CDH2: variants seen among roughly 807,000 people sequenced by gnomAD.
CDH2 encodes the protein cadherin 2, also known as cadherin-2.
In CDH2, 17 loss-of-function variants were observed where a neutral mutation model predicts 92.0. That is an observed-to-expected ratio of 0.18 (90% CI 0.13 to 0.28). CDH2 has a LOEUF of 0.28. Among genes scored for constraint, CDH2 ranks in the 10% least tolerant of loss-of-function variants. CDH2 has a pLI of 1.00. For missense variants in CDH2, 862 were observed against 1,133.1 expected (o/e 0.76, Z 3.44); for synonymous variants, 419 against 415.9 (o/e 1.01, Z -0.09).
intron 2 of CDH2, among the ~76,000 whole-genome samples, chr18:28,071,936 A>T (rs559770395): frequency 6.6e-6 from 1 of 152,268 alleles, no homozygotes; most frequent in East Asian, 1.9e-4. Flanking sequence ...CTCTTCGAAG[A>T]TCCTAGGAAC....
At chr18:28,018,567 A>C (rs889680888) in intron 2 of CDH2, among the ~76,000 whole-genome samples, 3 of 151,996 alleles carry the variant, frequency 2.0e-5, no homozygotes, top group Non-Finnish European at 4.4e-5. Context: ...ACAGAAATGT[A>C]TGAAAAAATG....
chr18:27,972,459 G>A (rs2143916336), intron 14 of CDH2, among the ~76,000 whole-genome samples: 2 of 152,252 alleles, frequency 1.3e-5, no homozygotes, highest in Admixed American at 1.3e-4. Flanking sequence ...TTTGAAAACG[G>A]ACTAACAGCA....
intron 2 of CDH2, among the ~76,000 whole-genome samples, chr18:28,045,230 T>C (rs890466881): frequency 2.6e-5 from 4 of 152,166 alleles, no homozygotes; most frequent in African/African-American, 9.6e-5. Flanking sequence ...CCCAGGCACA[T>C]AGATTCTCTA....
At chr18:28,018,871 G>A (rs1211921434) in intron 2 of CDH2, among the ~76,000 whole-genome samples, 3 of 120,598 alleles carry the variant, frequency 2.5e-5, no homozygotes, top group Non-Finnish European at 5.5e-5. Context: ...TTGCACACAC[G>A]TTTATATATA....
At chr18:28,019,474 G>A (rs2013348922) in intron 2 of CDH2, among the ~76,000 whole-genome samples, 1 of 152,052 alleles carries the variant, frequency 6.6e-6, no homozygotes, top group Non-Finnish European at 1.5e-5. Flanking sequence ...TTCTATTAAT[G>A]TTGTACTGTT....
intron 6 of CDH2, among the ~76,000 whole-genome samples, chr18:27,936,776 C>A (rs751264192): frequency 6.6e-6 from 1 of 152,122 alleles, no homozygotes; most frequent in Admixed American, 6.5e-5. Context: ...CTCAAGTGAT[C>A]CTCCTGCCTT....
chr18:28,101,099 G>A lies in CDH2; in HGVS notation c.172+46574C>T, dbSNP rs191191385. Among the ~76,000 whole-genome samples, 331 of 152,218 alleles carry A rather than the reference G, an allele frequency of 2.2e-3. 2 individuals carry two copies. The highest frequency in any genetic ancestry group is 6.9e-3 in the African/African-American group (288 of 41,526). ...GGAGAACTGACCATCCAGTATACAC[G>A]ATGATTTAAACACGTAAAACATAAA... On this transcript the variant is annotated intron_variant, in intron 2 of 15. Transcript: ENST00000269141.
At chr18:28,112,801 T>C (rs2015433888) in intron 2 of CDH2, among the ~76,000 whole-genome samples, 1 of 152,118 alleles carries the variant, frequency 6.6e-6, no homozygotes, top group Admixed American at 6.6e-5. Context: ...AGCCACACTC[T>C]AAGGCTCCTT....
At chr18:28,105,131 T>C (rs1375326974) in intron 2 of CDH2, among the ~76,000 whole-genome samples, 1 of 152,172 alleles carries the variant, frequency 6.6e-6, no homozygotes, top group Non-Finnish European at 1.5e-5. Context: ...CCTTCAACTG[T>C]AAATTGAGAA....
downstream of CDH2, among the ~76,000 whole-genome samples, chr18:27,947,941 G>A (rs997077397): frequency 2.0e-5 from 3 of 150,296 alleles, no homozygotes; most frequent in Non-Finnish European, 4.5e-5. Context: ...TTTGATATAA[G>A]TGTGTATACG....
intron 2 of CDH2, among the ~76,000 whole-genome samples, chr18:28,095,820 A>AAAAG (rs1437410818): frequency 2.0e-5 from 3 of 151,446 alleles, no homozygotes; most frequent in Admixed American, 2.0e-4. Flanking sequence ...AAAAAAAAAA[A>AAAAG]AAAAAGAAAG....
At chr18:27,940,663 T>C (rs1420186505) in intron 6 of CDH2, among the ~76,000 whole-genome samples, 4 of 152,320 alleles carry the variant, frequency 2.6e-5, no homozygotes, top group Non-Finnish European at 1.5e-5. Flanking sequence ...ACATGATTTA[T>C]TCACATATTG....
intron 2 of CDH2, among the ~76,000 whole-genome samples, chr18:28,040,874 G>A (rs1183033510): frequency 6.6e-6 from 1 of 152,124 alleles, no homozygotes; most frequent in Non-Finnish European, 1.5e-5. Context: ...GGATGTTTAT[G>A]CCAGACACAC....
intron 1 of CDH2, among the ~76,000 whole-genome samples, chr18:28,160,415 A>G (rs914713003): frequency 6.6e-6 from 1 of 152,156 alleles, no homozygotes; most frequent in South Asian, 2.1e-4. Context: ...TCTACTGCCT[A>G]AAGACTAGTC....
At chr18:27,971,458 C>G (rs2011657392) in intron 14 of CDH2, among the ~76,000 whole-genome samples, 1 of 151,974 alleles carries the variant, frequency 6.6e-6, no homozygotes, top group South Asian at 2.1e-4. Flanking sequence ...ATTAAGATGA[C>G]TTATCTAAAA....
intron 2 of CDH2, among the ~76,000 whole-genome samples, chr18:28,131,552 T>TA: frequency 6.6e-6 from 1 of 152,306 alleles, no homozygotes; most frequent in South Asian, 2.1e-4. Context: ...TTTTTTCCTG[T>TA]ACTCTCCATC....
intron 11 of CDH2, among the ~76,000 whole-genome samples, chr18:27,987,737 T>C (rs1309973395): frequency 2.0e-5 from 3 of 152,210 alleles, no homozygotes; most frequent in African/African-American, 7.2e-5. Context: ...CATTACATTT[T>C]AGTTAAAACA....
In CDH2 at chr18:27,992,747, C is replaced by G; in HGVS notation, c.1252G>C (p.Ala418Pro). The G allele has an allele frequency of 6.2e-7, 1 of 1,613,846 alleles. No homozygotes were observed. Among genetic ancestry groups the G allele is most frequent in the Non-Finnish European group, 8.5e-7 (1 of 1,179,784 alleles). The change falls in exon 9 of 16, where the codon GCA becomes CCA. Residue 418 changes from alanine (A) to proline (P), a missense_variant. Ala to Pro is a conservative substitution (Grantham distance 27). This residue lies in a region of CDH2 where 564 missense variants were observed against 722.2 expected (regional missense o/e 0.78). Coordinates refer to ENST00000269141, the MANE Select transcript of CDH2 (RefSeq NM_001792.5). ...KDQPHTPAWN[A>P]VYRISGGDPT... Reference sequence around the variant, plus strand: ...TCTCCGCCACTGATTCTGTACACTGCGTTCCAGGCTGGTGTATGGGGTTGA... The same window carrying G: ...TCTCCGCCACTGATTCTGTACACTGGGTTCCAGGCTGGTGTATGGGGTTGA...
intron 2 of CDH2, among the ~76,000 whole-genome samples, chr18:28,103,477 A>G (rs57634221): frequency 0.31 from 31,970 of 102,500 alleles, 3,671 homozygotes; most frequent in Middle Eastern, 0.43. Flanking sequence ...GTATGTATAT[A>G]TATACACACA....
Sources: allele counts gnomAD v4.1 joint callset (sites outside exome capture counted in the v4.1 genomes callset), GRCh38; gene constraint gnomAD v4.1.1; regional missense constraint gnomAD v4.1.1; transcripts MANE v1.5; gene names NCBI Gene and HGNC (gene_info 2026-07-23, HGNC 2026-07-21).